ATXN7L1: variants seen among roughly 807,000 people sequenced by gnomAD.
The protein encoded by ATXN7L1 is ataxin-7-like protein 1.
In ATXN7L1, 15 loss-of-function variants were observed where a neutral mutation model predicts 70.8. The ratio of observed to expected loss-of-function variants is 0.21; its 90% CI spans 0.14 to 0.33. ATXN7L1 has a LOEUF of 0.33. Ranked by LOEUF, ATXN7L1 falls within the 10% of genes least tolerant of loss-of-function variation. The pLI, the probability that ATXN7L1 is intolerant of heterozygous loss-of-function variation, is 1.00. For synonymous variants in ATXN7L1, 440 were observed against 445.1 expected (o/e 0.99, Z 0.14); for missense variants, 975 against 1,097.1 (o/e 0.89, Z 1.57).
intron 3 of ATXN7L1, among the ~76,000 whole-genome samples, chr7:105,691,405 C>T (rs1790809456): frequency 6.6e-6 from 1 of 152,116 alleles, no homozygotes; most frequent in South Asian, 2.1e-4. Context: ...ACCGCCGTTT[C>T]TCTAAGTGGA....
intron 3 of ATXN7L1, among the ~76,000 whole-genome samples, chr7:105,683,218 C>T (rs549034281): frequency 6.6e-6 from 1 of 152,350 alleles, no homozygotes; most frequent in African/African-American, 2.4e-5. Flanking sequence ...CACACACATG[C>T]ATACACATGC....
chr7:105,710,104 C>T (rs1427381845), intron 3 of ATXN7L1, among the ~76,000 whole-genome samples: 1 of 152,184 alleles, frequency 6.6e-6, no homozygotes, highest in Non-Finnish European at 1.5e-5. Context: ...TCTGCCTTGG[C>T]CTCCCAATGT....
chr7:105,727,749 T>TAA (rs1796015068), intron 3 of ATXN7L1, among the ~76,000 whole-genome samples: 1 of 56,276 alleles, frequency 1.8e-5, no homozygotes, highest in African/African-American at 6.2e-5. Flanking sequence ...TATGTGTGTA[T>TAA]ATATATATAT....
chr7:105,787,081 T>A (rs1353229577), intron 3 of ATXN7L1, among the ~76,000 whole-genome samples: 1 of 118,766 alleles, frequency 8.4e-6, no homozygotes, highest in Non-Finnish European at 1.7e-5. Context: ...CAGTTTCTCT[T>A]TGGAGAGGTT....
chr7:105,766,989 A>G (rs1801346402), intron 3 of ATXN7L1, among the ~76,000 whole-genome samples: 1 of 152,220 alleles, frequency 6.6e-6, no homozygotes, highest in African/African-American at 2.4e-5. Flanking sequence ...AGACGTGTGC[A>G]GCAGAGAGCA....
In ATXN7L1 at chr7:105,605,926, A is replaced by G. The variant is rs1211299878; in HGVS notation, c.*1926T>C. 3 of 152,210 alleles carry G rather than the reference A, an allele frequency of 2.0e-5. No individual in the cohort carries two copies. The highest frequency in any genetic ancestry group is 4.4e-5 in the Non-Finnish European group (3 of 68,032). 9.4% of individuals were successfully genotyped at this position (152,210 alleles called of 1,614,324 possible). ...AGTTAGCTCTGTAATATAGTAAAAC[A>G]TAAATTATTACAAAATTAACACTAT... On this transcript the variant is annotated 3_prime_UTR_variant, in exon 12 of 12. Transcript: ENST00000419735.
In ATXN7L1 at chr7:105,665,295, G is replaced by T; in HGVS notation, c.356-7C>A. The T allele has an allele frequency of 1.3e-6, 2 of 1,547,126 alleles. No individual in the cohort carries two copies. Among genetic ancestry groups the T allele is most frequent in the South Asian group, 2.4e-5 (2 of 83,906 alleles). ...ATTGAACCGTGTCTTCTCTCTACAG[G>T]GGCAGAAAGTAGAGAACTCAGCACA... On this transcript the variant is annotated splice_polypyrimidine_tract_variant and splice_region_variant and intron_variant, in intron 3 of 11. Transcript: ENST00000419735.
At chr7:105,850,635 C>T (rs975459636) in intron 2 of ATXN7L1, among the ~76,000 whole-genome samples, 4 of 152,198 alleles carry the variant, frequency 2.6e-5, no homozygotes, top group East Asian at 1.9e-4. Flanking sequence ...TCCTGAAGAA[C>T]GAGCACAGAG....
At chr7:105,655,441 G>A (rs1227722856) in intron 4 of ATXN7L1, among the ~76,000 whole-genome samples, 1 of 152,192 alleles carries the variant, frequency 6.6e-6, no homozygotes, top group Non-Finnish European at 1.5e-5. Flanking sequence ...CTCTGGGGGG[G>A]TGTGTGGGGT....
At chr7:105,645,640 CA>C (rs34135377) in intron 4 of ATXN7L1, among the ~76,000 whole-genome samples, 27,224 of 124,020 alleles carry the variant, frequency 0.22, 2,996 homozygotes, top group Non-Finnish European at 0.29. Flanking sequence ...GCTAAAAATC[CA>C]AAAAAAAAAA....
intron 3 of ATXN7L1, among the ~76,000 whole-genome samples, chr7:105,771,045 C>T (rs1449258315): frequency 6.6e-6 from 1 of 151,884 alleles, no homozygotes; most frequent in Non-Finnish European, 1.5e-5. Flanking sequence ...ACTAAAAATA[C>T]AAAAATCAGC....
At chr7:105,632,723 C>T (rs1031496180) in intron 7 of ATXN7L1, among the ~76,000 whole-genome samples, 1 of 151,862 alleles carries the variant, frequency 6.6e-6, no homozygotes, top group African/African-American at 2.4e-5. Flanking sequence ...TGTTCAAGAT[C>T]AGCCTGGGCA....
At chr7:105,812,220 G>A (rs1257890610) in intron 2 of ATXN7L1, among the ~76,000 whole-genome samples, 1 of 152,200 alleles carries the variant, frequency 6.6e-6, no homozygotes, top group Non-Finnish European at 1.5e-5. Context: ...ATAAGCATTT[G>A]TTGAAACTGA....
rs1333550183 is a variant in ATXN7L1, at chr7:105,614,206, G to A, written c.2128C>T (p.Leu710Phe). The stretch of plus-strand genomic sequence containing the variant: ...CCTGAGGGCTCCAGTTTGGCACTGA[G>A]TGGGCTCACCCCATTGTTTGAGTTG... The part of the protein sequence containing the change: ...VHNSNNGVSP[L>F]SAKLEPSGRT... The change falls in exon 10 of 12, where the codon CTC becomes TTC. Residue 710 changes from leucine to phenylalanine, a missense_variant. Physicochemically the swap from Leu to Phe is conservative, Grantham distance 22. This residue lies in a region of ATXN7L1 where 635 missense variants were observed against 699.4 expected (regional missense o/e 0.91). Transcript: ENST00000419735. This position sits in a 1 kb window ranked among gnomAD's most constrained non-coding sequence, Gnocchi z 4.3. 6.4e-7 allele frequency: 1 copy of A among 1,551,624 alleles called. No individual in the cohort carries two copies. The highest frequency in any genetic ancestry group is 1.4e-5 in the African/African-American group (1 of 73,050).
chr7:105,797,854 C>G (rs77141314), intron 2 of ATXN7L1, among the ~76,000 whole-genome samples: 1,711 of 152,284 alleles, frequency 0.011, 46 homozygotes, highest in African/African-American at 0.039. Flanking sequence ...CACCAGACGG[C>G]AATCTTCCGG....
chr7:105,688,184 G>A (rs966028147), intron 3 of ATXN7L1, among the ~76,000 whole-genome samples: 5 of 151,962 alleles, frequency 3.3e-5, no homozygotes, highest in African/African-American at 4.8e-5. Context: ...CCTCACATGC[G>A]TTGCCCAGCC....
intron 3 of ATXN7L1, among the ~76,000 whole-genome samples, chr7:105,725,632 G>C (rs1039491574): frequency 6.7e-6 from 1 of 149,258 alleles, no homozygotes; most frequent in African/African-American, 2.5e-5. Flanking sequence ...CCAGGCTAGA[G>C]TGCAGTGGCG....
intron 3 of ATXN7L1, among the ~76,000 whole-genome samples, chr7:105,697,832 G>C (rs975186377): frequency 6.6e-6 from 1 of 152,222 alleles, no homozygotes; most frequent in Admixed American, 6.5e-5. Context: ...CATGGCTTCA[G>C]CCGGTCCCTC....
At chr7:105,663,664 C>T (rs952329532) in intron 4 of ATXN7L1, among the ~76,000 whole-genome samples, 2 of 152,180 alleles carry the variant, frequency 1.3e-5, no homozygotes, top group Non-Finnish European at 2.9e-5. Flanking sequence ...TACTCATCTT[C>T]CTTGTTTTAA....
Sources: gnomAD v4.1 joint callset for allele counts (sites outside exome capture counted in the v4.1 genomes callset) on GRCh38, gnomAD v4.1.1 for gene constraint, gnomAD v4.1.1 regional missense constraint, Gnocchi (gnomAD v3.1) non-coding constraint, MANE v1.5 for transcripts, NCBI Gene and HGNC (gene_info 2026-07-23, HGNC 2026-07-21) for gene names.